DNAH9: variants seen among roughly 807,000 people sequenced by gnomAD.
DNAH9 encodes dynein axonemal heavy chain 9.
A neutral mutation model predicts 471.6 loss-of-function variants in DNAH9; 345 were observed. The observed-to-expected ratio is 0.73, with a 90% CI of 0.67 to 0.80. DNAH9 has a LOEUF of 0.80. Among genes scored for constraint, DNAH9 ranks in the 30% least tolerant of loss-of-function variants. The pLI, the probability that DNAH9 is intolerant of heterozygous loss-of-function variation, is 0.00. For synonymous variants in DNAH9, 2,093 were observed against 2,123.6 expected, an observed-to-expected ratio of 0.99 and a Z score of 0.40; for missense variants, 5,407 against 5,609.2, an observed-to-expected ratio of 0.96 and a Z score of 1.15.
intron 15 of DNAH9, among the ~76,000 whole-genome samples, chr17:11,666,602 G>A (rs561287752): frequency 1.3e-5 from 2 of 152,152 alleles, no homozygotes; most frequent in Non-Finnish European, 2.9e-5. Context: ...AATTTGAAAG[G>A]CACTGGTTAT....
intron 39 of DNAH9, among the ~76,000 whole-genome samples, chr17:11,782,738 A>C (rs1038370000): frequency 6.6e-5 from 10 of 152,074 alleles, no homozygotes; most frequent in African/African-American, 1.9e-4. Flanking sequence ...CTCTACTAAA[A>C]ATATAAAAAT....
intron 14 of DNAH9, among the ~76,000 whole-genome samples, chr17:11,655,434 C>G (rs1303159636): frequency 2.0e-5 from 3 of 150,760 alleles, no homozygotes; most frequent in East Asian, 4.0e-4. Context: ...AAAATTTCTT[C>G]TGTTCATGGA....
chr17:11,761,203 CAT>C (rs1202680290), intron 35 of DNAH9, among the ~76,000 whole-genome samples: 19 of 151,608 alleles, frequency 1.3e-4, no homozygotes, highest in Non-Finnish European at 2.4e-4. Flanking sequence ...CATACATACA[CAT>C]GTGTGTTAGT....
At chr17:11,890,879 G>T (rs1973030264) in intron 57 of DNAH9, among the ~76,000 whole-genome samples, 1 of 152,066 alleles carries the variant, frequency 6.6e-6, no homozygotes, top group African/African-American at 2.4e-5. Context: ...TAGAGACACG[G>T]TCTCGCTATC....
At chr17:11,610,234 A>G (rs1314419668) in intron 2 of DNAH9, among the ~76,000 whole-genome samples, 162 bp from the exon 3 acceptor site, 1 of 152,200 alleles carries the variant, frequency 6.6e-6, no homozygotes, top group Non-Finnish European at 1.5e-5. Flanking sequence ...ACTAGTCAAC[A>G]GAGACTGTTA....
At chr17:11,773,494 A>G (rs915087942) in intron 38 of DNAH9, among the ~76,000 whole-genome samples, 7 of 152,156 alleles carry the variant, frequency 4.6e-5, no homozygotes, top group Non-Finnish European at 8.8e-5. Context: ...TCCAAACTGT[A>G]TCTTGTTTAA....
In DNAH9 at chr17:11,669,595, C is replaced by A; in HGVS notation, c.3154C>A (p.Pro1052Thr). The change falls in exon 17 of 69, where the codon CCT becomes ACT. Residue 1052 changes from proline (P) to threonine (T), a missense_variant. Around this residue, in one of 3 missense-constraint regions of DNAH9, gnomAD observed 4,636 missense variants for 4,900.3 expected, o/e 0.95. Coordinates refer to ENST00000262442, the MANE Select transcript of DNAH9 (RefSeq NM_001372.4). ...TGTGGAAGATGGCATCCCAGAGAAC[C>A]CTCCCCTCCTTTCTCAGTTTAAAGT... Reference protein sequence around the residue: ...DHVEDGIPENPPLLSQFKVQI... With the variant: ...DHVEDGIPENTPLLSQFKVQI... The A allele has an allele frequency of 6.2e-7, 1 of 1,614,110 alleles. No homozygotes were observed. The highest frequency in any genetic ancestry group is 8.5e-7 in the Non-Finnish European group (1 of 1,179,998).
chr17:11,779,859 C>T (rs1019425854), intron 38 of DNAH9, among the ~76,000 whole-genome samples: 3 of 152,192 alleles, frequency 2.0e-5, no homozygotes, highest in Non-Finnish European at 4.4e-5. Context: ...ATTTGAAACA[C>T]TTAATTTAAC....
chr17:11,632,624 TAGA>T lies in DNAH9; in HGVS notation c.1560_1562del (p.Glu520del). The stretch of plus-strand genomic sequence containing the variant: ...GACGTCTCTGAATTTAACCAGAAAG[TAGA>T]AGATCTTGACCGAAGATTGGGGACT... On this transcript the variant is annotated inframe_deletion, in exon 8 of 69. Coordinates refer to ENST00000262442, the MANE Select transcript of DNAH9 (RefSeq NM_001372.4). 3.1e-6 allele frequency: 5 copies of T among 1,608,486 alleles called. No homozygotes were observed. The highest frequency in any genetic ancestry group is 4.3e-6 in the Non-Finnish European group (5 of 1,174,850).
intron 61 of DNAH9, among the ~76,000 whole-genome samples, chr17:11,910,551 C>G (rs1973760994): frequency 6.6e-6 from 1 of 152,150 alleles, no homozygotes; most frequent in Non-Finnish European, 1.5e-5. Flanking sequence ...ACATAAGTTT[C>G]AATTCTCTTG....
intron 22 of DNAH9, among the ~76,000 whole-genome samples, chr17:11,699,403 G>C (rs774159872): frequency 6.6e-6 from 1 of 152,162 alleles, no homozygotes; most frequent in Non-Finnish European, 1.5e-5. Flanking sequence ...TTAGGAAGAA[G>C]GTTTACAACT....
chr17:11,627,491 G>C (rs1692342696), intron 6 of DNAH9, among the ~76,000 whole-genome samples: 1 of 152,194 alleles, frequency 6.6e-6, no homozygotes, highest in Admixed American at 6.5e-5. Flanking sequence ...GCATTTCACA[G>C]CACAAGTATG....
chr17:11,702,107 T>C (rs6502165), intron 24 of DNAH9, among the ~76,000 whole-genome samples: 151,959 of 152,376 alleles, frequency 1, 75,774 homozygotes, highest in Middle Eastern at 1. Flanking sequence ...AGTTAGCAAG[T>C]TAAAAATGGG....
At chr17:11,744,717 C>A in intron 30 of DNAH9, 80 bp from the exon 31 acceptor site, 1 of 1,218,016 alleles carries the variant, frequency 8.2e-7, no homozygotes, top group Non-Finnish European at 1.2e-6. Context: ...ATGCTCATAG[C>A]ATATCTATGA....
At chr17:11,748,357 C>T (rs971753593) in intron 32 of DNAH9, among the ~76,000 whole-genome samples, 5 of 151,958 alleles carry the variant, frequency 3.3e-5, no homozygotes, top group Non-Finnish European at 7.4e-5. Flanking sequence ...GCAACATAGG[C>T]ATTCAGCTGT....
intron 27 of DNAH9, among the ~76,000 whole-genome samples, chr17:11,722,369 A>G (rs1302271325): frequency 6.6e-6 from 1 of 152,214 alleles, no homozygotes; most frequent in Non-Finnish European, 1.5e-5. Flanking sequence ...AAAGATTGGA[A>G]GTCAGACGAA....
At chr17:11,738,139 G>T (rs1375562568) in intron 28 of DNAH9, among the ~76,000 whole-genome samples, 3 of 152,274 alleles carry the variant, frequency 2.0e-5, no homozygotes, top group African/African-American at 7.2e-5. Flanking sequence ...ATCTCACCAT[G>T]CTTCTGTTTT....
In DNAH9 at chr17:11,610,485, A is replaced by G; in HGVS notation, c.704A>G (p.Glu235Gly). 1.2e-6 allele frequency: 2 copies of G among 1,613,382 alleles called. No homozygotes were observed. The highest frequency in any genetic ancestry group is 1.7e-6 in the Non-Finnish European group (2 of 1,179,682). Reference sequence around the variant, plus strand: ...CAAGTCCAGGTGGTACTCAAGAGAGAGTCTTCCCAGCCACTCTTACAAGGG... The same window carrying G: ...CAAGTCCAGGTGGTACTCAAGAGAGGGTCTTCCCAGCCACTCTTACAAGGG... ...SYQVQVVLKRESSQPLLQGEN... is the reference protein window; with the variant it reads ...SYQVQVVLKRGSSQPLLQGEN... Residue 235 changes from glutamate (E) to glycine (G), a missense_variant, in exon 3 of 69, where the codon GAG becomes GGG. Physicochemically the swap from Glu to Gly is moderately conservative, Grantham distance 98. Around this residue, in one of 3 missense-constraint regions of DNAH9, gnomAD observed 767 missense variants for 692.5 expected, o/e 1.11. Transcript: ENST00000262442.
At chr17:11,689,503 A>T (rs2074296302) in intron 19 of DNAH9, 63 bp from the exon 20 acceptor site, 2 of 1,396,620 alleles carry the variant, frequency 1.4e-6, no homozygotes, top group Non-Finnish European at 2.0e-6. Flanking sequence ...TTGCTACCTT[A>T]GAGATGCTAG....
Sources: allele counts gnomAD v4.1 joint callset (sites outside exome capture counted in the v4.1 genomes callset), GRCh38; gene constraint gnomAD v4.1.1; regional missense constraint gnomAD v4.1.1; transcripts MANE v1.5; gene names NCBI Gene and HGNC (gene_info 2026-07-23, HGNC 2026-07-21).